The following SBK1 variants were observed in gnomAD, a reference collection of about 807,000 sequenced individuals.
SBK1 encodes the protein serine/threonine-protein kinase SBK1.
A neutral mutation model predicts 24.4 loss-of-function variants in SBK1; 11 were observed. That is an observed-to-expected ratio of 0.45 (90% CI 0.28 to 0.75). The LOEUF (loss-of-function observed/expected upper bound fraction) is 0.75. SBK1 is among the 30% of genes least tolerant of loss of function. SBK1 has a pLI of 0.12. For synonymous variants in SBK1, 308 were observed against 284.4 expected (o/e 1.08, Z -0.83); for missense variants, 467 against 620.5 (o/e 0.75, Z 2.63).
At position 28,302,961 on chromosome 16, in the gene SBK1, T is replaced by TGGG. The variant is rs57035524; in HGVS notation, c.-8+9668_-8+9670dup. Among the ~76,000 whole-genome samples the TGGG allele has an allele frequency of 2.4e-3, 352 of 146,276 alleles. 1 individual carries two copies. The highest frequency in any genetic ancestry group is 0.01 in the East Asian group (51 of 4,940). On this transcript the variant is annotated intron_variant, in intron 1 of 3. Coordinates refer to ENST00000341901, the MANE Select transcript of SBK1 (RefSeq NM_001024401.3). ...TACCAGGAAAAAATAGAGCAGGGCA[T>TGGG]GGGGGGGGGTCAGGAGTGCAGTAGG...
In SBK1 at chr16:28,319,129, G is replaced by A; in HGVS notation, c.361G>A (p.Glu121Lys). 2 of 1,614,044 alleles carry A rather than the reference G, an allele frequency of 1.2e-6. No individual in the cohort carries two copies. The highest frequency in any genetic ancestry group is 1.7e-6 in the Non-Finnish European group (2 of 1,179,960). ...IKVFDVVFETEDCYVFAQEYA... is the reference protein window; with the variant it reads ...IKVFDVVFETKDCYVFAQEYA... Reference sequence around the variant, plus strand: ...GGTCTTTGACGTGGTCTTTGAGACAGAGGACTGCTACGTCTTTGCCCAGGA... The same window carrying A: ...GGTCTTTGACGTGGTCTTTGAGACAAAGGACTGCTACGTCTTTGCCCAGGA... Residue 121 changes from glutamate (E) to lysine (K), a missense_variant, in exon 3 of 4, where the codon GAG becomes AAG. Glu to Lys is a moderately conservative substitution (Grantham distance 56). Transcript: ENST00000341901. This position sits in a 1 kb window ranked among gnomAD's most constrained non-coding sequence, Gnocchi z 4.0.
chr16:28,297,164 T>C (rs1409437359), intron 1 of SBK1, among the ~76,000 whole-genome samples: 1 of 151,698 alleles, frequency 6.6e-6, no homozygotes, highest in African/African-American at 2.4e-5. Flanking sequence ...ACCCTGTCTC[T>C]ACTAAAAATA....
Position 28,317,323 on chromosome 16 carries a change from G to A in SBK1, c.-7-62G>A, listed in dbSNP as rs1202278461. On this transcript the variant is annotated intron_variant, in intron 1 of 3. Transcript: ENST00000341901. The surrounding 1 kb of genome is among the most constrained non-coding windows in gnomAD (Gnocchi z 4.2). ...TTTCTGGGTTCTGGGGAGGGCAGAGGGGCTGGAGGAGGGGACCCTTGCCTG... is the reference window on the plus strand; with the variant it reads ...TTTCTGGGTTCTGGGGAGGGCAGAGAGGCTGGAGGAGGGGACCCTTGCCTG... 2 of 1,293,302 alleles carry A rather than the reference G, an allele frequency of 1.5e-6. No individual in the cohort carries two copies. Among genetic ancestry groups the A allele is most frequent in the Admixed American group, 3.5e-5 (2 of 56,640 alleles). 80.1% of individuals were successfully genotyped at this position (1,293,302 alleles called of 1,614,324 possible). A position where few individuals can be genotyped will look rare whatever the true frequency, so the allele number is the denominator to read the frequency against.
chr16:28,274,946 G>A (rs1422254736), intron 1 of SBK1, among the ~76,000 whole-genome samples: 2 of 152,184 alleles, frequency 1.3e-5, no homozygotes, highest in African/African-American at 4.8e-5. Flanking sequence ...AACTGGAAAA[G>A]AAGCAATGTA....
chr16:28,290,166 T>C (rs9939450), upstream of SBK1: 63,485 of 151,820 alleles, frequency 0.42, 14,378 homozygotes, highest in South Asian at 0.6. Flanking sequence ...GAGAGGTCCT[T>C]TGTAGGGGAA....
chr16:28,272,414 C>T (rs12446798), intron 1 of SBK1, among the ~76,000 whole-genome samples: 8,646 of 152,016 alleles, frequency 0.057, 529 homozygotes, highest in Admixed American at 0.19. Flanking sequence ...TTTATTGAAT[C>T]TTTATGCCTA....
chr16:28,295,793 C>T (rs896784212), intron 1 of SBK1, among the ~76,000 whole-genome samples: 16 of 152,046 alleles, frequency 1.1e-4, no homozygotes, highest in African/African-American at 2.2e-4. Context: ...CAGGCCACAG[C>T]GGGAGAATGA....
At chr16:28,307,845 T>C (rs554920110) in intron 1 of SBK1, among the ~76,000 whole-genome samples, 5 of 152,082 alleles carry the variant, frequency 3.3e-5, no homozygotes, top group Non-Finnish European at 7.4e-5. Context: ...TCTCTTCCTG[T>C]AAAATGGGGA....
intron 1 of SBK1, among the ~76,000 whole-genome samples, chr16:28,313,463 G>A (rs1034941477): frequency 1.3e-5 from 2 of 151,480 alleles, no homozygotes; most frequent in Non-Finnish European, 2.9e-5. Flanking sequence ...CAGGTGTGGT[G>A]GCGTACACCT....
rs1057434351 is a variant in SBK1, at chr16:28,275,380, T to G, written c.257+15878T>G. Among the ~76,000 whole-genome samples, 3 of 152,178 alleles carry G rather than the reference T, an allele frequency of 2.0e-5. No individual in the cohort carries two copies. The South Asian group carries it at 6.2e-4, about 32-fold the overall frequency. ...ATTCTAAACAATGGGCATATCTAAC[T>G]TGAATACAAATTAAAAGTATATTTT... On this transcript the variant is annotated intron_variant, in intron 1 of 3. Transcript: ENST00000671413.
chr16:28,266,585 A>ATC (rs2044429810), intron 1 of SBK1, among the ~76,000 whole-genome samples: 1 of 152,054 alleles, frequency 6.6e-6, no homozygotes, highest in Admixed American at 6.6e-5. Flanking sequence ...TCTTCCTGGA[A>ATC]GGGCTTTCTG....
At chr16:28,267,901 G>A (rs1174202139) in intron 1 of SBK1, among the ~76,000 whole-genome samples, 3 of 152,096 alleles carry the variant, frequency 2.0e-5, no homozygotes, top group East Asian at 1.9e-4. Context: ...TAATCCCAGC[G>A]CTTTGGGAGG....
In SBK1 at chr16:28,306,785, C is replaced by T. The variant is rs372389468; in HGVS notation, c.-7-10600C>T. ...CAGCACTTAGCCAGGGTGTGACAAA[C>T]GCTGGGTGAATAATTCTCTACGTGT... On this transcript the variant is annotated intron_variant, in intron 1 of 3. Transcript: ENST00000341901. Among the ~76,000 whole-genome samples, 4 of 152,332 alleles carry T rather than the reference C, an allele frequency of 2.6e-5. No individual in the cohort carries two copies. The South Asian group carries it at 8.3e-4, about 32-fold the overall frequency.
intron 1 of SBK1, among the ~76,000 whole-genome samples, chr16:28,278,177 C>T (rs925850175): frequency 1.3e-5 from 2 of 152,258 alleles, no homozygotes; most frequent in Non-Finnish European, 2.9e-5. Context: ...CGTCTCTCTC[C>T]GCTTCTCCTG....
chr16:28,284,158 C>T (rs988160094), intron 1 of SBK1, among the ~76,000 whole-genome samples: 2 of 152,254 alleles, frequency 1.3e-5, no homozygotes, highest in African/African-American at 4.8e-5. Context: ...ACTCCACTAC[C>T]TGGGATCACC....
chr16:28,288,692 T>C (rs111840926), upstream of SBK1, among the ~76,000 whole-genome samples: 1,926 of 152,302 alleles, frequency 0.013, 23 homozygotes, highest in Non-Finnish European at 0.021. Flanking sequence ...TGGATTCCCA[T>C]ATATTCCTCC....
At chr16:28,294,307 C>A (rs2044623527) in intron 1 of SBK1, among the ~76,000 whole-genome samples, 1 of 152,192 alleles carries the variant, frequency 6.6e-6, no homozygotes, top group Non-Finnish European at 1.5e-5. Flanking sequence ...AAAGAACACA[C>A]TCTGGGCTGC....
At chr16:28,293,360 G>A in intron 1 of SBK1, 60 bp downstream of exon 1, 1 of 844,806 alleles carries the variant, frequency 1.2e-6, no homozygotes, top group Non-Finnish European at 1.4e-6. Context: ...CCATAGCCCT[G>A]CAGGTGGGGA....
intron 1 of SBK1, among the ~76,000 whole-genome samples, chr16:28,298,615 G>A (rs746039408): frequency 7.2e-5 from 11 of 152,368 alleles, no homozygotes; most frequent in South Asian, 6.2e-4. Flanking sequence ...CAGATGAAGC[G>A]CTTGAGCAGG....
Sources: gnomAD v4.1 joint callset for allele counts (sites outside exome capture counted in the v4.1 genomes callset) on GRCh38, gnomAD v4.1.1 for gene constraint, Gnocchi (gnomAD v3.1) non-coding constraint, MANE v1.5 for transcripts, NCBI Gene and HGNC (gene_info 2026-07-23, HGNC 2026-07-21) for gene names.